Variants in DYRK4 observed in about 807,000 individuals in gnomAD.
DYRK4 encodes the protein dual specificity tyrosine-phosphorylation-regulated kinase 4.
In DYRK4, 64 loss-of-function variants were observed where a neutral mutation model predicts 68.3. That is an observed-to-expected ratio of 0.94 (90% confidence interval 0.77 to 1.15). DYRK4 has a LOEUF of 1.15. Among genes scored for constraint, DYRK4 ranks in the 50% most tolerant of loss-of-function variants. DYRK4 has a pLI of 0.00. For synonymous variants in DYRK4, 274 were observed against 289.9 expected (o/e 0.95, Z 0.56); for missense variants, 740 against 764.7 (o/e 0.97, Z 0.38).
At chr12:4,580,902 G>A (rs1486082193) in intron 2 of DYRK4, 1 of 455,716 alleles carries the variant, frequency 2.2e-6, no homozygotes, top group African/African-American at 2.0e-5. Context: ...GTGTGATGGA[G>A]GTGTGCCTTT....
chr12:4,585,466 A>G (rs896044101), intron 2 of DYRK4, among the ~76,000 whole-genome samples: 2 of 152,232 alleles, frequency 1.3e-5, no homozygotes, highest in African/African-American at 4.8e-5. Flanking sequence ...TGATGAGTTC[A>G]TGTCCTTTGT....
chr12:4,591,429 A>G lies in DYRK4; in HGVS notation c.463+131A>G. The G allele has an allele frequency of 7.6e-7, 1 of 1,307,890 alleles. No homozygotes were observed. Among genetic ancestry groups the G allele is most frequent in the Non-Finnish European group, 1.0e-6 (1 of 966,358 alleles). 81.0% of individuals were successfully genotyped at this position (1,307,890 alleles called of 1,614,324 possible). A position where few individuals can be genotyped will look rare whatever the true frequency, so the allele number is the denominator to read the frequency against. On this transcript the variant is annotated intron_variant, in intron 5 of 14. Transcript: ENST00000543431. This position sits in a 1 kb window ranked among gnomAD's most constrained non-coding sequence, Gnocchi z 4.1. The stretch of plus-strand genomic sequence containing the variant: ...TCAAAGAAGGCAGCCAGCCAAGAGG[A>G]AAGTAGAAGTTAAGCGTTGAACCTC...
chr12:4,612,740 G>C (rs759623084), intron 14 of DYRK4, 22 bp downstream of exon 14: 2 of 1,612,946 alleles, frequency 1.2e-6, no homozygotes, highest in East Asian at 2.2e-5. Flanking sequence ...CAAATAACCA[G>C]TCCTAGTCCC....
At chr12:4,566,368 A>G (rs1944676906) in intron 1 of DYRK4, among the ~76,000 whole-genome samples, 1 of 152,172 alleles carries the variant, frequency 6.6e-6, no homozygotes, top group Non-Finnish European at 1.5e-5. Context: ...ACAGTGCTCA[A>G]AATTTCTGGA....
At chr12:4,599,872 C>A in intron 10 of DYRK4, 84 bp downstream of exon 10, 1 of 1,121,816 alleles carries the variant, frequency 8.9e-7, no homozygotes, top group Non-Finnish European at 1.3e-6. Context: ...GCCTTCTAGG[C>A]TGCGCTCAGC....
intron 11 of DYRK4, 77 bp from the exon 12 acceptor site, chr12:4,607,250 C>A: frequency 6.4e-7 from 1 of 1,569,660 alleles, no homozygotes; most frequent in Non-Finnish European, 8.8e-7. Context: ...CAAAGCTTGG[C>A]CAAAGTACGC....
intron 2 of DYRK4, among the ~76,000 whole-genome samples, chr12:4,580,321 G>A (rs564305874): frequency 2.0e-5 from 3 of 152,186 alleles, no homozygotes; most frequent in Admixed American, 6.5e-5. Flanking sequence ...GGCCACGTTC[G>A]TCCCACTAAT....
intron 13 of DYRK4, 147 bp downstream of exon 13, chr12:4,610,431 C>A: frequency 1.3e-6 from 1 of 776,356 alleles, no homozygotes; most frequent in Non-Finnish European, 1.9e-6. Flanking sequence ...CTACAAATTG[C>A]TTCCACATCT....
In DYRK4 at chr12:4,598,851, G is replaced by A. The variant is rs376554457; in HGVS notation, c.906-177G>A. Among the ~76,000 whole-genome samples, 8 of 152,234 alleles carry A rather than the reference G, an allele frequency of 5.3e-5. No homozygotes were observed. In the East Asian group the frequency reaches 9.6e-4, roughly 18 times the overall value. The stretch of plus-strand genomic sequence containing the variant: ...AGAGTCTGACACAGTTTCACCCTGC[G>A]CCCACCACGATTCAGTGGGAAAGCT... On this transcript the variant is annotated intron_variant, in intron 8 of 14. Coordinates refer to ENST00000543431, the MANE Select transcript of DYRK4 (RefSeq NM_001394779.1).
rs747121514 is a variant in DYRK4 at position 4,613,703 on chromosome 12, A to G, written c.1855A>G (p.Ser619Gly). Residue 619 changes from serine (S) to glycine (G), a missense_variant, in exon 15 of 15, where the codon AGC (serine) becomes GGC (glycine). Ser to Gly is a moderately conservative substitution (Grantham distance 56). Transcript: ENST00000543431. This position sits in a 1 kb window ranked among gnomAD's most constrained non-coding sequence, Gnocchi z 4.0. ...GGTGTCCATGACCTCCCCAGGACAG[A>G]GCAAAAACTTCTCCCTCAAGAACAC... The part of the protein sequence containing the change: ...AEVSMTSPGQ[S>G]KNFSLKNTNV... The G allele has an allele frequency of 6.3e-7, 1 of 1,584,488 alleles. No homozygotes were observed.
intron 2 of DYRK4, among the ~76,000 whole-genome samples, chr12:4,582,540 C>G (rs76952500): frequency 0.046 from 6,984 of 152,102 alleles, 204 homozygotes; most frequent in South Asian, 0.085. Flanking sequence ...GTCTAACAAG[C>G]CTTTGCAGGT....
intron 13 of DYRK4, among the ~76,000 whole-genome samples, chr12:4,611,480 T>TTA (rs35021970): frequency 0.024 from 3,599 of 151,990 alleles, 60 homozygotes; most frequent in Non-Finnish European, 0.033. Context: ...GACTGTTATC[T>TTA]TATATATATA....
Position 4,590,981 on chromosome 12 carries a change from C to G in DYRK4, c.325-179C>G. Reference sequence around the variant, plus strand: ...CTCCCCAGGAATAGTGTCAGTCAGACAGATGCTTCCTTTGGGAGAGAGGTA... The same window carrying G: ...CTCCCCAGGAATAGTGTCAGTCAGAGAGATGCTTCCTTTGGGAGAGAGGTA... On this transcript the variant is annotated intron_variant, in intron 4 of 14. Coordinates refer to ENST00000543431, the MANE Select transcript of DYRK4 (RefSeq NM_001394779.1). 3 of 716,862 alleles carry G rather than the reference C, an allele frequency of 4.2e-6. No homozygotes were observed. In the South Asian group the frequency reaches 6.6e-5, roughly 16 times the overall value. 44.4% of individuals were successfully genotyped at this position (716,862 alleles called of 1,614,324 possible). A position where few individuals can be genotyped will look rare whatever the true frequency, so the allele number is the denominator to read the frequency against.
chr12:4,591,391 G>A lies in DYRK4; in HGVS notation c.463+93G>A. 1 of 1,507,202 alleles carries A rather than the reference G, an allele frequency of 6.6e-7. No homozygotes were observed. 93.4% of individuals were successfully genotyped at this position (1,507,202 alleles called of 1,614,324 possible). The stretch of plus-strand genomic sequence containing the variant: ...TGCGCTGGAGTGAGCTAAGCTGCCA[G>A]GTGTCAGAGTAGTCAAAGAAGGCAG... On this transcript the variant is annotated intron_variant, in intron 5 of 14. Coordinates refer to ENST00000543431, the MANE Select transcript of DYRK4 (RefSeq NM_001394779.1). The surrounding 1 kb of genome is among the most constrained non-coding windows in gnomAD (Gnocchi z 4.1).
intron 10 of DYRK4, chr12:4,602,553 A>C (rs1945093488): frequency 8.1e-7 from 1 of 1,237,080 alleles, no homozygotes; most frequent in Non-Finnish European, 1.2e-6. Flanking sequence ...GAGGGATATA[A>C]GCCAACGGCT....
At chr12:4,598,642 TAGAC>T (rs1437753645) in intron 8 of DYRK4, among the ~76,000 whole-genome samples, 7 of 152,214 alleles carry the variant, frequency 4.6e-5, no homozygotes, top group African/African-American at 1.4e-4. Context: ...CTCATGTCCT[TAGAC>T]AGCCCTTATT....
intron 9 of DYRK4, 73 bp downstream of exon 9, chr12:4,599,239 TCACAAA>T: frequency 2.8e-6 from 3 of 1,064,046 alleles, no homozygotes; most frequent in Non-Finnish European, 4.1e-6. Context: ...CGTGTAACAA[TCACAAA>T]CTCCAATCAA....
chr12:4,567,167 G>A (rs1175375788), intron 1 of DYRK4: 1 of 152,190 alleles, frequency 6.6e-6, no homozygotes, highest in East Asian at 1.9e-4. Context: ...TACTTTCAAA[G>A]TTGTGGTGCC....
At chr12:4,594,126 T>C (rs183724033) in intron 6 of DYRK4, among the ~76,000 whole-genome samples, 2 of 152,334 alleles carry the variant, frequency 1.3e-5, no homozygotes, top group Non-Finnish European at 2.9e-5. Context: ...AAGCATCCCT[T>C]TGGGAGCCTG....
Sources: gnomAD v4.1 joint callset for allele counts (sites outside exome capture counted in the v4.1 genomes callset) on GRCh38, gnomAD v4.1.1 for gene constraint, Gnocchi (gnomAD v3.1) non-coding constraint, MANE v1.5 for transcripts, NCBI Gene and HGNC (gene_info 2026-07-23, HGNC 2026-07-21) for gene names.